Variants in MSR1 observed in about 807,000 individuals in gnomAD.
MSR1 encodes the protein macrophage scavenger receptor types I and II.
Under a neutral mutation model 47.2 loss-of-function variants are expected in MSR1, and 53 were observed. The observed-to-expected ratio is 1.12, with a 90% CI of 0.90 to 1.41. MSR1 has a LOEUF of 1.41. MSR1 is among the 40% of genes most tolerant of loss of function. The pLI is 0.00. For missense variants in MSR1, 786 were observed against 546.9 expected (o/e 1.44, Z -4.36); for synonymous variants, 239 against 185.6 (o/e 1.29, Z -2.34).
At chr8:16,182,298 T>A (rs1320175425) in intron 1 of MSR1, among the ~76,000 whole-genome samples, 2 of 152,186 alleles carry the variant, frequency 1.3e-5, no homozygotes, top group African/African-American at 4.8e-5. Flanking sequence ...TTGCTCTGGG[T>A]GAGTCAGTGA....
chr8:16,150,007 A>C (rs1291296065), intron 7 of MSR1, among the ~76,000 whole-genome samples: 1 of 151,706 alleles, frequency 6.6e-6, no homozygotes, highest in Admixed American at 6.6e-5. Flanking sequence ...CTGATTTCAG[A>C]AATCATTTCT....
At chr8:16,165,331 A>G (rs1306202202) in intron 4 of MSR1, among the ~76,000 whole-genome samples, 1 of 152,164 alleles carries the variant, frequency 6.6e-6, no homozygotes, top group African/African-American at 2.4e-5. Context: ...GTAGGTACAT[A>G]GCAAATCATT....
intron 9 of MSR1, among the ~76,000 whole-genome samples, chr8:16,116,883 G>A (rs978968330): frequency 9.9e-5 from 15 of 152,040 alleles, no homozygotes; most frequent in Admixed American, 3.9e-4. Flanking sequence ...TAGAGATGAC[G>A]TCTTGTTCAC....
chr8:16,144,490 G>T (rs1432991498), intron 7 of MSR1, among the ~76,000 whole-genome samples: 3 of 152,046 alleles, frequency 2.0e-5, no homozygotes, highest in Admixed American at 6.6e-5. Context: ...CAGCAAAACT[G>T]AGAACCTTCA....
At chr8:16,163,355 C>T (rs995100680) in intron 5 of MSR1, among the ~76,000 whole-genome samples, 1 of 151,230 alleles carries the variant, frequency 6.6e-6, no homozygotes, top group Non-Finnish European at 1.5e-5. Flanking sequence ...TAACCTAAAA[C>T]AAAGAATACC....
intron 9 of MSR1, 28 bp from the exon 10 acceptor site, chr8:16,110,246 G>A: frequency 1.2e-6 from 2 of 1,611,552 alleles, no homozygotes; most frequent in Non-Finnish European, 8.5e-7. Context: ...AACTGCATTA[G>A]TAAGTTTAGA....
At chr8:16,161,648 T>C (rs1476272255) in intron 5 of MSR1, among the ~76,000 whole-genome samples, 1 of 152,014 alleles carries the variant, frequency 6.6e-6, no homozygotes, top group Non-Finnish European at 1.5e-5. Context: ...ACCCTGAATT[T>C]TGTGTTTATC....
chr8:16,174,779 C>CT (rs796546457), intron 3 of MSR1, among the ~76,000 whole-genome samples: 42 of 151,124 alleles, frequency 2.8e-4, no homozygotes, highest in South Asian at 1.3e-3. Context: ...GGACAACAGG[C>CT]TTTTTTTTTA....
intron 1 of MSR1, among the ~76,000 whole-genome samples, chr8:16,183,479 T>C (rs962054984): frequency 6.7e-6 from 1 of 148,424 alleles, no homozygotes; most frequent in Non-Finnish European, 1.5e-5. Flanking sequence ...TATGAATAGA[T>C]GAATAACTAT....
At chr8:16,171,963 A>G (rs768807201) in intron 3 of MSR1, among the ~76,000 whole-genome samples, 18 of 152,196 alleles carry the variant, frequency 1.2e-4, no homozygotes, top group Non-Finnish European at 1.5e-4. Flanking sequence ...ACTTCCTGGC[A>G]TGTAATAAGC....
intron 8 of MSR1, among the ~76,000 whole-genome samples, chr8:16,133,676 C>T (rs1800317946): frequency 6.6e-6 from 1 of 152,128 alleles, no homozygotes; most frequent in Non-Finnish European, 1.5e-5. Context: ...AACACTTCTA[C>T]CTCTTGGTAG....
intron 8 of MSR1, among the ~76,000 whole-genome samples, chr8:16,123,211 T>C (rs2117068228): frequency 6.6e-6 from 1 of 152,120 alleles, no homozygotes; most frequent in East Asian, 1.9e-4. Flanking sequence ...ACCTGAAATA[T>C]TTTTCAGTTA....
intron 5 of MSR1, among the ~76,000 whole-genome samples, chr8:16,156,780 C>T (rs1172231740): frequency 2.0e-5 from 3 of 151,600 alleles, no homozygotes; most frequent in Non-Finnish European, 4.4e-5. Context: ...GTATTATATT[C>T]TAAGGTATAG....
At chr8:16,191,242 G>C (rs1240718615) in intron 1 of MSR1, among the ~76,000 whole-genome samples, 1 of 152,140 alleles carries the variant, frequency 6.6e-6, no homozygotes, top group Admixed American at 6.6e-5. Context: ...TATTTATATT[G>C]TGCCTGATGT....
chr8:16,116,212 A>T (rs1187444263), intron 9 of MSR1, among the ~76,000 whole-genome samples: 1 of 152,200 alleles, frequency 6.6e-6, no homozygotes, highest in East Asian at 1.9e-4. Context: ...TCCATATGCT[A>T]GTTAACTCAA....
chr8:16,150,544 G>A (rs1800827199), intron 6 of MSR1, among the ~76,000 whole-genome samples: 1 of 151,962 alleles, frequency 6.6e-6, no homozygotes, highest in Non-Finnish European at 1.5e-5. Flanking sequence ...CATATTGTTG[G>A]TAGAAATAAA....
intron 5 of MSR1, among the ~76,000 whole-genome samples, chr8:16,156,741 T>C (rs1032872582): frequency 6.6e-6 from 1 of 151,844 alleles, no homozygotes; most frequent in African/African-American, 2.4e-5. Context: ...GCAAACAACA[T>C]GTTACAGGGC....
chr8:16,184,712 A>T (rs960157771), intron 1 of MSR1, among the ~76,000 whole-genome samples: 2 of 152,182 alleles, frequency 1.3e-5, no homozygotes, highest in Non-Finnish European at 2.9e-5. Flanking sequence ...GACAATATAT[A>T]TTGTTTATGA....
In MSR1 at chr8:16,120,552, A is replaced by G. The variant is rs1225331490; in HGVS notation, c.1088T>C (p.Val363Ala). 9 of 1,588,782 alleles carry G rather than the reference A, an allele frequency of 5.7e-6. No individual in the cohort carries two copies. The highest frequency in any genetic ancestry group is 7.7e-6 in the Non-Finnish European group (9 of 1,174,216). The part of the protein sequence containing the change: ...VGGSGPHEGR[V>A]EILHSGQWGT... ...CCACTGGCCGCTGTGGAGTATCTCC[A>G]CCCTCCCCTCGTGAGGGCCGCTCCC... Residue 363 changes from valine (V) to alanine (A), a missense_variant, in exon 9 of 10, where the codon GTG becomes GCG. Val to Ala is a moderately conservative substitution (Grantham distance 64, BLOSUM62 0). Transcript: ENST00000262101.
Sources: gnomAD v4.1 joint callset for allele counts (sites outside exome capture counted in the v4.1 genomes callset) on GRCh38, gnomAD v4.1.1 for gene constraint, MANE v1.5 for transcripts, NCBI Gene and HGNC (gene_info 2026-07-23, HGNC 2026-07-21) for gene names.